The following MAP2K1 variants were observed in gnomAD, a reference collection of about 807,000 sequenced individuals.
The protein encoded by MAP2K1 is mitogen-activated protein kinase kinase 1.
MAP2K1 carries 16 observed loss-of-function variants against 46.3 expected under a neutral mutation model. The observed-to-expected ratio is 0.35, with a 90% CI of 0.23 to 0.52. The LOEUF is 0.52. Among genes scored for constraint, MAP2K1 ranks in the 20% least tolerant of loss-of-function variants. The pLI is 0.94. For missense variants in MAP2K1, 263 were observed against 497.1 expected, an observed-to-expected ratio of 0.53 and a Z score of 4.48; for synonymous variants, 183 against 185.6, an observed-to-expected ratio of 0.99 and a Z score of 0.11.
intron 1 of MAP2K1, among the ~76,000 whole-genome samples, chr15:66,428,083 C>G (rs1308605055): frequency 6.6e-6 from 1 of 152,206 alleles, no homozygotes; most frequent in East Asian, 1.9e-4. Context: ...ACCCAGATAG[C>G]CTGACTCCCA....
intron 3 of MAP2K1, among the ~76,000 whole-genome samples, chr15:66,440,866 C>T (rs1405533380): frequency 2.6e-5 from 4 of 152,042 alleles, no homozygotes. Context: ...TGGTGTATGC[C>T]CCTTACATTT....
chr15:66,417,237 T>C (rs1461008332), intron 1 of MAP2K1, among the ~76,000 whole-genome samples: 1 of 152,228 alleles, frequency 6.6e-6, no homozygotes, highest in African/African-American at 2.4e-5. Flanking sequence ...TGCTGTTAAT[T>C]TGATGGTCTA....
chr15:66,412,845 A>T (rs1026887337), intron 1 of MAP2K1, among the ~76,000 whole-genome samples: 11 of 151,956 alleles, frequency 7.2e-5, no homozygotes, highest in Non-Finnish European at 1.5e-5. Flanking sequence ...GGCGCATGCC[A>T]CTGTGCCTGG....
intron 2 of MAP2K1, among the ~76,000 whole-genome samples, 161 bp from the exon 3 acceptor site, chr15:66,436,585 A>G (rs913235334): frequency 3.3e-5 from 5 of 152,222 alleles, no homozygotes; most frequent in Non-Finnish European, 2.9e-5. Flanking sequence ...CCTTAGTACA[A>G]TGACACTCAT....
chr15:66,408,731 T>C (rs1182311410), intron 1 of MAP2K1, among the ~76,000 whole-genome samples: 2 of 152,086 alleles, frequency 1.3e-5, no homozygotes, highest in African/African-American at 2.4e-5. Context: ...GCTCATACTA[T>C]GTCTTCTACT....
chr15:66,483,617 G>A (rs140037494), intron 6 of MAP2K1, among the ~76,000 whole-genome samples: 57 of 152,230 alleles, frequency 3.7e-4, no homozygotes, highest in African/African-American at 1.3e-3. Context: ...TGAAATACAT[G>A]TGCTATTTCA....
intron 5 of MAP2K1, among the ~76,000 whole-genome samples, chr15:66,469,216 A>G (rs189559960): frequency 6.2e-4 from 94 of 152,314 alleles, no homozygotes; most frequent in African/African-American, 2.2e-3. Context: ...AGACCGTGCC[A>G]TTGCACTCCA....
Position 66,444,710 on chromosome 15 carries a change from A to G in MAP2K1, c.568+3A>G. 1.2e-6 allele frequency: 2 copies of G among 1,610,842 alleles called. No homozygotes were observed. Among genetic ancestry groups the G allele is most frequent in the Non-Finnish European group, 1.7e-6 (2 of 1,177,014 alleles). On this transcript the variant is annotated splice_donor_region_variant and intron_variant, in intron 5 of 10. Coordinates refer to ENST00000307102, the MANE Select transcript of MAP2K1 (RefSeq NM_002755.4). ...GAAGCACAAGATCATGCACAGAGGT[A>G]AGAAGTTATTTGCTAGTTATTTTGC...
At chr15:66,453,322 C>T (rs1193202945) in intron 5 of MAP2K1, 1 of 561,228 alleles carries the variant, frequency 1.8e-6, no homozygotes, top group Non-Finnish European at 3.2e-6. Flanking sequence ...CTTTGTGAGC[C>T]AGATGGGTCT....
At chr15:66,397,315 T>C (rs2093370532) in intron 1 of MAP2K1, among the ~76,000 whole-genome samples, 1 of 152,158 alleles carries the variant, frequency 6.6e-6, no homozygotes, top group Non-Finnish European at 1.5e-5. Flanking sequence ...TAACACTTCT[T>C]AATGGTGTGA....
intron 2 of MAP2K1, among the ~76,000 whole-genome samples, chr15:66,435,926 A>T (rs560062569): frequency 6.6e-6 from 1 of 152,188 alleles, no homozygotes; most frequent in African/African-American, 2.4e-5. Flanking sequence ...ATAGCATCTG[A>T]ACTCCTATCA....
intron 1 of MAP2K1, among the ~76,000 whole-genome samples, chr15:66,429,262 C>T (rs1193359056): frequency 1.3e-5 from 2 of 152,042 alleles, no homozygotes; most frequent in African/African-American, 2.4e-5. Context: ...AAGCAAGGAC[C>T]TTCTTCACAT....
chr15:66,447,332 A>G (rs17201047), intron 5 of MAP2K1, among the ~76,000 whole-genome samples: 16,087 of 151,970 alleles, frequency 0.11, 1,075 homozygotes, highest in Non-Finnish European at 0.15. Context: ...CAGTGTTTGC[A>G]AGTGTTGGAG....
intron 5 of MAP2K1, among the ~76,000 whole-genome samples, chr15:66,476,714 G>T (rs1892762393): frequency 1.3e-5 from 2 of 152,320 alleles, no homozygotes; most frequent in African/African-American, 4.8e-5. Flanking sequence ...GCCATGGCAG[G>T]CTCTGTGCAG....
rs2093344283 is a variant in MAP2K1, at chr15:66,387,444, C to G, written c.80+17C>G. On this transcript the variant is annotated intron_variant, in intron 1 of 10. Coordinates refer to ENST00000307102, the MANE Select transcript of MAP2K1 (RefSeq NM_002755.4). ...CTCTGCGGAGTAAGTATGGGGCGGGCGGTGAACCTCGGGGCCCGGCTGGGG... is the reference window on the plus strand; with the variant it reads ...CTCTGCGGAGTAAGTATGGGGCGGGGGGTGAACCTCGGGGCCCGGCTGGGG... 2 of 1,551,386 alleles carry G rather than the reference C, an allele frequency of 1.3e-6. No individual in the cohort carries two copies. The highest frequency in any genetic ancestry group is 4.9e-5 in the East Asian group (2 of 41,090).
chr15:66,481,309 T>C (rs1162577332), intron 5 of MAP2K1, among the ~76,000 whole-genome samples: 2 of 152,186 alleles, frequency 1.3e-5, no homozygotes, highest in Non-Finnish European at 2.9e-5. Context: ...CCAAACCCTG[T>C]CCCCTTCTAG....
chr15:66,477,243 A>T (rs1892774441), intron 5 of MAP2K1, among the ~76,000 whole-genome samples: 1 of 152,234 alleles, frequency 6.6e-6, no homozygotes. Flanking sequence ...CTTGCTTGCC[A>T]TGTGAATAGA....
chr15:66,437,593 A>T (rs1175329007), intron 3 of MAP2K1, among the ~76,000 whole-genome samples: 1 of 152,136 alleles, frequency 6.6e-6, no homozygotes, highest in African/African-American at 2.4e-5. Flanking sequence ...TGTGTCTCTC[A>T]GCTCCTACCC....
At chr15:66,429,078 C>G (rs1031666139) in intron 1 of MAP2K1, among the ~76,000 whole-genome samples, 2 of 152,032 alleles carry the variant, frequency 1.3e-5, no homozygotes, top group Non-Finnish European at 2.9e-5. Flanking sequence ...GCATGCCTGG[C>G]CTTGAATTTT....
Sources: gnomAD v4.1 joint callset for allele counts (sites outside exome capture counted in the v4.1 genomes callset) on GRCh38, gnomAD v4.1.1 for gene constraint, MANE v1.5 for transcripts, NCBI Gene and HGNC (gene_info 2026-07-23, HGNC 2026-07-21) for gene names.